Variants in MEF2A observed in about 807,000 individuals in gnomAD.
The protein encoded by MEF2A is myocyte-specific enhancer factor 2A.
MEF2A carries 28 observed loss-of-function variants against 55.8 expected under a neutral mutation model. The ratio of observed to expected loss-of-function variants is 0.50; its 90% confidence interval spans 0.37 to 0.69. The LOEUF (loss-of-function observed/expected upper bound fraction) is 0.69. Ranked by LOEUF, MEF2A falls within the 30% of genes least tolerant of loss-of-function variation. The probability of loss-of-function intolerance (pLI) is 0.00; values close to 1 mark genes in which losing one functional copy is unlikely to be tolerated. For synonymous variants in MEF2A, 239 were observed against 227.1 expected (o/e 1.05, Z -0.47); for missense variants, 528 against 626.2 (o/e 0.84, Z 1.67).
intron 6 of MEF2A, among the ~76,000 whole-genome samples, chr15:99,675,020 T>A (rs2051664288): frequency 6.6e-6 from 1 of 152,178 alleles, no homozygotes; most frequent in Non-Finnish European, 1.5e-5. Flanking sequence ...TCAGCAAAAT[T>A]TATGTTACAT....
intron 4 of MEF2A, among the ~76,000 whole-genome samples, chr15:99,668,370 T>C (rs886543753): frequency 6.6e-6 from 1 of 152,212 alleles, no homozygotes; most frequent in Non-Finnish European, 1.5e-5. Flanking sequence ...AAGACATTTC[T>C]TTAAGAAAAG....
At chr15:99,576,899 G>T (rs898137970) in intron 1 of MEF2A, among the ~76,000 whole-genome samples, 1 of 152,088 alleles carries the variant, frequency 6.6e-6, no homozygotes, top group South Asian at 2.1e-4. Context: ...CACCCACCTC[G>T]GCCTCCCAAA....
chr15:99,706,671 T>C (rs2058074497), intron 9 of MEF2A, 58 bp from the exon 10 acceptor site: 3 of 1,578,336 alleles, frequency 1.9e-6, no homozygotes, highest in Non-Finnish European at 2.6e-6. Context: ...TTGAAAGTGA[T>C]TTTTAAGTCA....
intron 3 of MEF2A, among the ~76,000 whole-genome samples, chr15:99,642,564 A>G (rs1322161615): frequency 4.6e-5 from 7 of 152,220 alleles, no homozygotes; most frequent in African/African-American, 1.2e-4. Flanking sequence ...TTTCCGAGCC[A>G]TACCAGCTCA....
intron 1 of MEF2A, among the ~76,000 whole-genome samples, chr15:99,591,926 T>G: frequency 6.6e-6 from 1 of 152,220 alleles, no homozygotes; most frequent in Non-Finnish European, 1.5e-5. Context: ...ACACCCTGTC[T>G]TGCTTCTGGG....
In MEF2A at chr15:99,633,117, A is replaced by G; in HGVS notation, c.-3A>G. On this transcript the variant is annotated 5_prime_UTR_variant, in exon 3 of 12. Transcript: ENST00000557942. ...ATAAGGAAATAAGGAAAGTTGACTG[A>G]AAATGGGGCGGAAGAAAATACAAAT... The G allele has an allele frequency of 6.2e-7, 1 of 1,600,606 alleles. No individual in the cohort carries two copies. The highest frequency in any genetic ancestry group is 1.3e-5 in the African/African-American group (1 of 74,412).
intron 4 of MEF2A, among the ~76,000 whole-genome samples, chr15:99,654,593 T>C (rs1008955743): frequency 2.0e-5 from 3 of 151,372 alleles, no homozygotes; most frequent in African/African-American, 7.3e-5. Context: ...GGGGGGGTAT[T>C]GGTTATTTCA....
intron 11 of MEF2A, 122 bp downstream of exon 11, chr15:99,710,882 A>C (rs766562823): frequency 1.7e-6 from 2 of 1,165,464 alleles, no homozygotes; most frequent in Non-Finnish European, 2.4e-6. Flanking sequence ...ATTCCTTTTC[A>C]GGTAGATACA....
At chr15:99,683,832 A>G (rs145267826) in intron 7 of MEF2A, among the ~76,000 whole-genome samples, 8 of 152,014 alleles carry the variant, frequency 5.3e-5, no homozygotes, top group African/African-American at 1.9e-4. Flanking sequence ...CCTGTACCCA[A>G]TATGTAGTCT....
chr15:99,676,655 C>T (rs1321741215), intron 7 of MEF2A, among the ~76,000 whole-genome samples: 2 of 151,342 alleles, frequency 1.3e-5, no homozygotes, highest in African/African-American at 2.4e-5. Flanking sequence ...TCACTGCAAA[C>T]TTCACCTCCC....
At chr15:99,642,570 G>A (rs190933980) in intron 3 of MEF2A, among the ~76,000 whole-genome samples, 1 of 151,886 alleles carries the variant, frequency 6.6e-6, no homozygotes, top group African/African-American at 2.4e-5. Context: ...AGCCATACCA[G>A]CTCACATTTT....
intron 3 of MEF2A, among the ~76,000 whole-genome samples, chr15:99,635,796 CAGT>C (rs1314550488): frequency 2.0e-5 from 3 of 152,130 alleles, no homozygotes; most frequent in Non-Finnish European, 4.4e-5. Context: ...TCTATTGTGT[CAGT>C]AGAATACAAT....
At chr15:99,660,974 C>T (rs538664076) in intron 4 of MEF2A, among the ~76,000 whole-genome samples, 2 of 152,272 alleles carry the variant, frequency 1.3e-5, no homozygotes, top group East Asian at 3.9e-4. Flanking sequence ...AGAGGGTTTG[C>T]ACTGCAATAT....
intron 1 of MEF2A, among the ~76,000 whole-genome samples, chr15:99,569,497 T>A (rs990800813): frequency 1.3e-5 from 2 of 152,244 alleles, no homozygotes; most frequent in East Asian, 3.8e-4. Flanking sequence ...AACGCTTAAT[T>A]GGCTGTTTTA....
At chr15:99,703,438 A>C in intron 9 of MEF2A, 53 bp downstream of exon 9, 1 of 1,555,390 alleles carries the variant, frequency 6.4e-7, no homozygotes, top group East Asian at 2.3e-5. Context: ...GAAAGTACTA[A>C]TTCTCTTACG....
intron 3 of MEF2A, among the ~76,000 whole-genome samples, chr15:99,635,643 CTA>C (rs2043673119): frequency 6.6e-6 from 1 of 152,112 alleles, no homozygotes; most frequent in African/African-American, 2.4e-5. Context: ...ACTTCTAACA[CTA>C]TAGATTAATT....
intron 2 of MEF2A, among the ~76,000 whole-genome samples, chr15:99,620,578 C>G (rs2040979752): frequency 6.6e-6 from 1 of 152,178 alleles, no homozygotes; most frequent in Non-Finnish European, 1.5e-5. Flanking sequence ...TTTCTTTATC[C>G]ATTCCACTGT....
Position 99,665,192 on chromosome 15 carries a change from A to G in MEF2A, c.259-6131A>G, listed in dbSNP as rs561803079. 3.3e-5 allele frequency among the ~76,000 whole-genome samples: 5 copies of G among 152,308 alleles called. No individual in the cohort carries two copies. The East Asian group carries it at 7.7e-4, about 24-fold the overall frequency. ...ACGGAAGTGGATGTAACTAACCTAAATGGAGGTTCTAGCCAGGGCACTCAC... is the reference window on the plus strand; with the variant it reads ...ACGGAAGTGGATGTAACTAACCTAAGTGGAGGTTCTAGCCAGGGCACTCAC... On this transcript the variant is annotated intron_variant, in intron 4 of 11. Transcript: ENST00000557942.
chr15:99,595,825 A>G (rs890806661), intron 1 of MEF2A, among the ~76,000 whole-genome samples: 1 of 152,184 alleles, frequency 6.6e-6, no homozygotes, highest in Non-Finnish European at 1.5e-5. Flanking sequence ...GGAGGTAAAA[A>G]CAAAGTTAAA....
Sources: gnomAD v4.1 joint callset for allele counts (sites outside exome capture counted in the v4.1 genomes callset) on GRCh38, gnomAD v4.1.1 for gene constraint, MANE v1.5 for transcripts, NCBI Gene and HGNC (gene_info 2026-07-23, HGNC 2026-07-21) for gene names.